Variants in PALD1 observed in about 807,000 individuals in gnomAD.
PALD1 encodes the protein paladin.
PALD1 carries 57 observed loss-of-function variants against 96.0 expected under a neutral mutation model. The observed-to-expected ratio is 0.59, with a 90% CI of 0.48 to 0.74. The LOEUF (loss-of-function observed/expected upper bound fraction) is 0.74, where lower values mean the gene tolerates loss of function less well. Among genes scored for constraint, PALD1 ranks in the 30% least tolerant of loss-of-function variants. The probability of loss-of-function intolerance (pLI) is 0.00; values close to 1 mark genes in which losing one functional copy is unlikely to be tolerated. For synonymous variants in PALD1, 464 were observed against 473.6 expected (o/e 0.98, Z 0.26); for missense variants, 1,063 against 1,143.7 (o/e 0.93, Z 1.02).
At chr10:70,484,280 G>A (rs1165448491) in intron 1 of PALD1, among the ~76,000 whole-genome samples, 1 of 152,048 alleles carries the variant, frequency 6.6e-6, no homozygotes, top group African/African-American at 2.4e-5. Flanking sequence ...TGGGATTACA[G>A]GCATGAGCCA....
In PALD1 at chr10:70,526,023, T is replaced by C. The variant is rs1343567859; in HGVS notation, c.72T>C (p.Ser24=). 1 of 1,614,170 alleles carries C rather than the reference T, an allele frequency of 6.2e-7. No homozygotes were observed. The highest frequency in any genetic ancestry group is 1.1e-5 in the South Asian group (1 of 91,086). The stretch of plus-strand genomic sequence containing the variant: ...CCCCATTTGAGGGCCTACAGGGCAG[T>C]GGCACGATGGACAGTCGGCACTCCG... The part of the protein sequence containing the change: ...AGTPFEGLQG[S]GTMDSRHSVS... The change falls in exon 2 of 20, where the codon AGT becomes AGC. Residue 24 remains serine (S), a synonymous_variant. Coordinates refer to ENST00000263563, the MANE Select transcript of PALD1 (RefSeq NM_014431.3).
At chr10:70,467,654 G>A in the PALD1 span, among the ~76,000 whole-genome samples, 1 of 152,300 alleles carries the variant, frequency 6.6e-6, no homozygotes, top group Middle Eastern at 3.4e-3. Flanking sequence ...GGAACACTGG[G>A]CAAGTTCCTC....
At chr10:70,527,729 C>G (rs1294866301) in intron 2 of PALD1, among the ~76,000 whole-genome samples, 9 of 152,198 alleles carry the variant, frequency 5.9e-5, no homozygotes, top group Non-Finnish European at 2.9e-5. Flanking sequence ...AGTGGGAACC[C>G]AGGCCTCTTC....
chr10:70,470,882 AC>A, the PALD1 span, among the ~76,000 whole-genome samples: 1 of 151,666 alleles, frequency 6.6e-6, no homozygotes, highest in Admixed American at 6.6e-5. Flanking sequence ...GCTCACCGCA[AC>A]CTCCGCCTCC....
Position 70,537,812 on chromosome 10 carries a change from G to C in PALD1, c.1229G>C (p.Gly410Ala). The C allele has an allele frequency of 1.2e-6, 2 of 1,610,732 alleles. No homozygotes were observed. Among genetic ancestry groups the C allele is most frequent in the Non-Finnish European group, 1.7e-6 (2 of 1,177,280 alleles). Residue 410 changes from glycine to alanine, a missense_variant and splice_region_variant, in exon 11 of 20, where the codon GGA becomes GCA. Transcript: ENST00000263563. ...TTAACACCCTGTCCTCTCTCTCAGG[G>C]AAGCGGCAGCCGACACAGCGTCTGG... ...EGIRPESPAQ[G>A]SGSRHSVWQR...
At chr10:70,510,358 G>GC (rs1391468072) in intron 1 of PALD1, among the ~76,000 whole-genome samples, 5 of 152,168 alleles carry the variant, frequency 3.3e-5, no homozygotes, top group Admixed American at 2.0e-4. Context: ...GCAGAGCACT[G>GC]GGTGAGGTCT....
chr10:70,495,130 G>A (rs944139404), intron 1 of PALD1, among the ~76,000 whole-genome samples: 1 of 152,222 alleles, frequency 6.6e-6, no homozygotes, highest in Admixed American at 6.5e-5. Context: ...GCATCTGCAC[G>A]GGCCGTTCCC....
chr10:70,513,073 CAA>C (rs761089454), intron 1 of PALD1, among the ~76,000 whole-genome samples: 4 of 152,232 alleles, frequency 2.6e-5, no homozygotes, highest in Non-Finnish European at 4.4e-5. Context: ...TCTGGGTCCT[CAA>C]GGGCAGAACC....
At chr10:70,530,401 A>G (rs1195127924) in intron 4 of PALD1, among the ~76,000 whole-genome samples, 1 of 152,186 alleles carries the variant, frequency 6.6e-6, no homozygotes, top group Non-Finnish European at 1.5e-5. Context: ...AATGGTGATC[A>G]CAGCTAACAC....
intron 10 of PALD1, 99 bp downstream of exon 10, chr10:70,534,942 T>C: frequency 2.4e-6 from 2 of 823,534 alleles, no homozygotes; most frequent in Non-Finnish European, 4.1e-6. Context: ...ACTGACTTTT[T>C]CTGGCTGCTG....
At chr10:70,561,213 G>C (rs1182005849) in intron 18 of PALD1, among the ~76,000 whole-genome samples, 4 of 152,250 alleles carry the variant, frequency 2.6e-5, no homozygotes, top group Non-Finnish European at 5.9e-5. Context: ...CACGGCTGTG[G>C]GAGAGGATCG....
chr10:70,481,874 C>T (rs1294500268), intron 1 of PALD1, among the ~76,000 whole-genome samples: 1 of 152,238 alleles, frequency 6.6e-6, no homozygotes, highest in African/African-American at 2.4e-5. Flanking sequence ...TCTAGATATG[C>T]TTTGATACTA....
chr10:70,539,492 C>G lies in PALD1; in HGVS notation c.1726-88C>G. 7.8e-7 allele frequency: 1 copy of G among 1,283,332 alleles called. No individual in the cohort carries two copies. Among genetic ancestry groups the G allele is most frequent in the Non-Finnish European group, 1.1e-6 (1 of 944,818 alleles). The allele number at this position is 1,283,332 out of a possible 1,614,324, so 79.5% of individuals were successfully genotyped here. A position where few individuals can be genotyped will look rare whatever the true frequency, so the allele number is the denominator to read the frequency against. ...CAGGGATGGGACTGGAAGCCAGGGCCAGGCCTGGCCATGGCAGGCTGTGGC... is the reference window on the plus strand; with the variant it reads ...CAGGGATGGGACTGGAAGCCAGGGCGAGGCCTGGCCATGGCAGGCTGTGGC... On this transcript the variant is annotated intron_variant, in intron 14 of 19. Coordinates refer to ENST00000263563, the MANE Select transcript of PALD1 (RefSeq NM_014431.3). This position sits in a 1 kb window ranked among gnomAD's most constrained non-coding sequence, Gnocchi z 4.5.
In PALD1 at chr10:70,483,653, G is replaced by C. The variant is rs750483345; in HGVS notation, c.-30+4594G>C. 1.3e-3 allele frequency among the ~76,000 whole-genome samples: 195 copies of C among 152,360 alleles called. 1 individual carries two copies. Among genetic ancestry groups the C allele is most frequent in the Non-Finnish European group, 2.4e-3 (160 of 68,030 alleles). On this transcript the variant is annotated intron_variant, in intron 1 of 19. Transcript: ENST00000263563. ...GAGCCCCAGGCCCTTCCTCTCTGTG[G>C]GCTGTGCCGGCCTCTGTCTGGCCTT...
At chr10:70,482,242 A>G (rs1845944645) in intron 1 of PALD1, among the ~76,000 whole-genome samples, 1 of 152,078 alleles carries the variant, frequency 6.6e-6, no homozygotes, top group African/African-American at 2.4e-5. Flanking sequence ...TGGGACCTCC[A>G]TACACGGGGT....
intron 18 of PALD1, among the ~76,000 whole-genome samples, chr10:70,558,629 CAT>C (rs1210142524): frequency 6.6e-6 from 1 of 151,932 alleles, no homozygotes; most frequent in African/African-American, 2.4e-5. Flanking sequence ...CTAAGTGTCA[CAT>C]GTTGCAACTA....
intron 10 of PALD1, among the ~76,000 whole-genome samples, chr10:70,535,613 CCTT>C (rs1441815046): frequency 6.9e-6 from 1 of 144,994 alleles, no homozygotes; most frequent in Non-Finnish European, 1.5e-5. Context: ...TCCTCTTCCT[CCTT>C]CTCCTCCTTC....
chr10:70,554,840 T>C (rs948259803), intron 18 of PALD1, among the ~76,000 whole-genome samples: 12 of 148,596 alleles, frequency 8.1e-5, no homozygotes, highest in Non-Finnish European at 1.0e-4. Context: ...TCCTCTGGTC[T>C]CAAAGCGAGA....
upstream of PALD1, among the ~76,000 whole-genome samples, chr10:70,477,899 A>G (rs1385029223): frequency 1.1e-5 from 1 of 93,966 alleles, no homozygotes; most frequent in Admixed American, 1.3e-4. Flanking sequence ...AACAAAGCCT[A>G]TCTCTCCGCG....
Sources: gnomAD v4.1 joint callset for allele counts (sites outside exome capture counted in the v4.1 genomes callset) on GRCh38, gnomAD v4.1.1 for gene constraint, Gnocchi (gnomAD v3.1) non-coding constraint, MANE v1.5 for transcripts, NCBI Gene and HGNC (gene_info 2026-07-23, HGNC 2026-07-21) for gene names.